Variants in MBD5 observed in about 807,000 individuals in gnomAD.
MBD5 encodes the protein methyl-CpG binding domain protein 5.
MBD5 carries 13 observed loss-of-function variants against 117.3 expected under a neutral mutation model. That is an observed-to-expected ratio of 0.11 (90% CI 0.07 to 0.18). The LOEUF (loss-of-function observed/expected upper bound fraction) is 0.18, where lower values mean the gene tolerates loss of function less well. Among genes scored for constraint, MBD5 ranks in the 10% least tolerant of loss-of-function variants. The pLI, the probability that MBD5 is intolerant of heterozygous loss-of-function variation, is 1.00. For synonymous variants in MBD5, 727 were observed against 766.4 expected (o/e 0.95, Z 0.85); for missense variants, 1,879 against 2,093.8 (o/e 0.90, Z 2.00).
At chr2:148,480,730 A>C (rs1681122714) in intron 8 of MBD5, among the ~76,000 whole-genome samples, 14 of 152,144 alleles carry the variant, frequency 9.2e-5, no homozygotes, top group Admixed American at 9.2e-4. Context: ...GTATTTAAAG[A>C]ATTGTATACT....
At chr2:148,099,777 T>C (rs1696158735) in intron 1 of MBD5, among the ~76,000 whole-genome samples, 1 of 152,218 alleles carries the variant, frequency 6.6e-6, no homozygotes, top group African/African-American at 2.4e-5. Context: ...TGTTCAGTTC[T>C]AACCTACTGA....
intron 1 of MBD5, among the ~76,000 whole-genome samples, chr2:148,118,334 G>A (rs1696687560): frequency 6.6e-6 from 1 of 151,996 alleles, no homozygotes; most frequent in Non-Finnish European, 1.5e-5. Context: ...TATTAGCCTG[G>A]CACAGTGGCT....
intron 7 of MBD5, among the ~76,000 whole-genome samples, chr2:148,467,121 T>C (rs774910228): frequency 1.3e-5 from 2 of 152,192 alleles, no homozygotes; most frequent in Non-Finnish European, 2.9e-5. Context: ...CATTTTCTCA[T>C]GGAGCCCAGC....
chr2:148,056,967 C>T (rs959294252), intron 1 of MBD5, among the ~76,000 whole-genome samples: 8 of 151,672 alleles, frequency 5.3e-5, no homozygotes, highest in South Asian at 4.1e-4. Context: ...TATTTTTCTA[C>T]GAATTCATCT....
intron 3 of MBD5, among the ~76,000 whole-genome samples, chr2:148,241,068 C>T (rs1558987018): frequency 1.3e-5 from 2 of 151,572 alleles, no homozygotes; most frequent in East Asian, 1.9e-4. Context: ...ATTGGCTGCT[C>T]TTTCTGTGGA....
intron 1 of MBD5, among the ~76,000 whole-genome samples, chr2:148,060,632 GA>G (rs1245402311): frequency 2.0e-5 from 3 of 152,070 alleles, no homozygotes; most frequent in Non-Finnish European, 4.4e-5. Context: ...TTTTGTTACA[GA>G]ATTAAACAGA....
intron 1 of MBD5, among the ~76,000 whole-genome samples, chr2:148,039,648 T>C (rs544087533): frequency 1.3e-5 from 2 of 150,082 alleles, no homozygotes; most frequent in Non-Finnish European, 3.0e-5. Context: ...ATTGAATATA[T>C]TCATTTTATT....
intron 3 of MBD5, among the ~76,000 whole-genome samples, chr2:148,328,802 C>T (rs1369100576): frequency 6.6e-6 from 1 of 152,212 alleles, no homozygotes; most frequent in Non-Finnish European, 1.5e-5. Flanking sequence ...CACCCGTCTT[C>T]TGCGTTGCTC....
chr2:148,076,058 A>G (rs1467567139), intron 1 of MBD5, among the ~76,000 whole-genome samples: 2 of 152,198 alleles, frequency 1.3e-5, no homozygotes, highest in East Asian at 3.8e-4. Context: ...ATGGCCTTAG[A>G]AAGTAGTAGT....
chr2:148,325,302 T>C (rs1702415123), intron 3 of MBD5, among the ~76,000 whole-genome samples: 1 of 152,152 alleles, frequency 6.6e-6, no homozygotes, highest in African/African-American at 2.4e-5. Context: ...TTCTCTTTTT[T>C]GGTTGTGTCT....
chr2:148,210,916 T>C (rs1309737725), intron 2 of MBD5, among the ~76,000 whole-genome samples: 1 of 152,194 alleles, frequency 6.6e-6, no homozygotes, highest in Non-Finnish European at 1.5e-5. Context: ...TTTTTATATG[T>C]ATGTATAAGA....
intron 1 of MBD5, among the ~76,000 whole-genome samples, chr2:148,154,634 G>A (rs1697812733): frequency 6.6e-6 from 1 of 152,232 alleles, no homozygotes; most frequent in Non-Finnish European, 1.5e-5. Flanking sequence ...TAATCTCATG[G>A]TGTGCCTTTT....
intron 3 of MBD5, among the ~76,000 whole-genome samples, chr2:148,340,612 T>A (rs1702912272): frequency 1.3e-5 from 2 of 152,014 alleles, no homozygotes; most frequent in African/African-American, 2.4e-5. Flanking sequence ...AACAAAAAAA[T>A]TTCCCTTTTA....
At chr2:148,151,658 G>C (rs1025535179) in intron 1 of MBD5, among the ~76,000 whole-genome samples, 2 of 152,012 alleles carry the variant, frequency 1.3e-5, no homozygotes, top group African/African-American at 4.8e-5. Flanking sequence ...CTTCTTCCTG[G>C]TTTAGTCTTG....
intron 4 of MBD5, among the ~76,000 whole-genome samples, chr2:148,389,377 T>A (rs1704496682): frequency 6.8e-6 from 1 of 146,498 alleles, no homozygotes; most frequent in South Asian, 2.2e-4. Flanking sequence ...CTATTGTGAA[T>A]AGTATTGCAA....
rs1327925325 is a variant in MBD5, at chr2:148,338,701, G to A, written c.-679-3513G>A. Among the ~76,000 whole-genome samples the A allele has an allele frequency of 3.9e-5, 6 of 152,196 alleles. No homozygotes were observed. In the East Asian group the frequency reaches 1.2e-3, roughly 29 times the overall value. Reference sequence around the variant, plus strand: ...ATGTTTTTGCAAAGCACACAGTTTAGAGATCTGAGTCACCTCTGAGGATAT... The same window carrying A: ...ATGTTTTTGCAAAGCACACAGTTTAAAGATCTGAGTCACCTCTGAGGATAT... On this transcript the variant is annotated intron_variant, in intron 3 of 13. Transcript: ENST00000642680.
At chr2:148,251,433 T>C (rs183307692) in intron 3 of MBD5, among the ~76,000 whole-genome samples, 1 of 152,340 alleles carries the variant, frequency 6.6e-6, no homozygotes, top group Non-Finnish European at 1.5e-5. Context: ...TACAACATGA[T>C]TGGTCTTCAT....
chr2:148,401,490 A>T (rs1704920539), intron 4 of MBD5, among the ~76,000 whole-genome samples: 1 of 152,164 alleles, frequency 6.6e-6, no homozygotes, highest in African/African-American at 2.4e-5. Context: ...TCAAGAAATC[A>T]TGTGGGTCAA....
intron 2 of MBD5, among the ~76,000 whole-genome samples, chr2:148,183,729 T>C (rs1038990805): frequency 5.3e-5 from 8 of 152,168 alleles, no homozygotes; most frequent in African/African-American, 1.9e-4. Context: ...TCAGCATTAC[T>C]TCACACGTCT....
Sources: allele counts gnomAD v4.1 joint callset (sites outside exome capture counted in the v4.1 genomes callset), GRCh38; gene constraint gnomAD v4.1.1; transcripts MANE v1.5; gene names NCBI Gene and HGNC (gene_info 2026-07-23, HGNC 2026-07-21).